The following RAC1 variants were observed in gnomAD, a reference collection of about 807,000 sequenced individuals.
RAC1 encodes the protein ras-related C3 botulinum toxin substrate 1.
Under a neutral mutation model 25.2 loss-of-function variants are expected in RAC1, and 2 were observed. That is an observed-to-expected ratio of 0.08 (90% CI 0.03 to 0.25). RAC1 has a LOEUF of 0.25. Among genes scored for constraint, RAC1 ranks in the 10% least tolerant of loss-of-function variants. The pLI is 1.00. For missense variants in RAC1, 50 were observed against 235.7 expected (o/e 0.21, Z 5.16); for synonymous variants, 88 against 94.0 (o/e 0.94, Z 0.37).
rs1016130940 is a variant in RAC1 at position 6,403,633 on chromosome 7, C to T, written c.*1187C>T. The T allele has an allele frequency of 1.4e-5, 3 of 210,780 alleles. No homozygotes were observed. Among genetic ancestry groups the T allele is most frequent in the Admixed American group, 5.9e-5 (1 of 17,002 alleles). 13.1% of individuals were successfully genotyped at this position (210,780 alleles called of 1,614,324 possible). The stretch of plus-strand genomic sequence containing the variant: ...TTTTAGATAATTCTTAAACTATGAA[C>T]CTTCTTAACATCACTGTCTTGCCAG... On this transcript the variant is annotated 3_prime_UTR_variant, in exon 6 of 6. Transcript: ENST00000348035.
chr7:6,375,215 T>A (rs1211946361), intron 1 of RAC1, among the ~76,000 whole-genome samples: 1 of 152,098 alleles, frequency 6.6e-6, no homozygotes, highest in East Asian at 1.9e-4. Context: ...TGATGCATGC[T>A]TGATTGTACG....
chr7:6,387,419 C>G, intron 2 of RAC1, 136 bp downstream of exon 2: 1 of 667,070 alleles, frequency 1.5e-6, no homozygotes, highest in Non-Finnish European at 2.5e-6. Flanking sequence ...TCACTGAAAC[C>G]TAATTATAAG....
intron 1 of RAC1, among the ~76,000 whole-genome samples, chr7:6,379,702 C>T (rs861369): frequency 6.6e-6 from 1 of 152,032 alleles, no homozygotes; most frequent in African/African-American, 2.4e-5. Context: ...GAGCCATCGT[C>T]CCTGGCCTAA....
intron 1 of RAC1, among the ~76,000 whole-genome samples, chr7:6,377,882 G>A (rs1583256348): frequency 1.3e-5 from 2 of 152,294 alleles, no homozygotes; most frequent in South Asian, 2.1e-4. Flanking sequence ...TCCAGCTTGG[G>A]TGACAGAGGG....
chr7:6,391,108 G>A (rs35725843), intron 2 of RAC1, among the ~76,000 whole-genome samples: 96 of 152,260 alleles, frequency 6.3e-4, no homozygotes, highest in African/African-American at 2.1e-3. Flanking sequence ...ATGTTGGCCA[G>A]GCTGGTCTCG....
At chr7:6,378,719 C>A (rs1203096497) in intron 1 of RAC1, among the ~76,000 whole-genome samples, 1 of 152,016 alleles carries the variant, frequency 6.6e-6, no homozygotes, top group African/African-American at 2.4e-5. Context: ...TTTTCCTCCA[C>A]CTTACTGCTG....
At chr7:6,392,916 C>T (rs564910953) in intron 3 of RAC1, among the ~76,000 whole-genome samples, 4 of 152,318 alleles carry the variant, frequency 2.6e-5, no homozygotes, top group Admixed American at 1.3e-4. Flanking sequence ...GTGTCACGCA[C>T]GCATAACAGT....
At chr7:6,377,797 C>G (rs1273282629) in intron 1 of RAC1, among the ~76,000 whole-genome samples, 1 of 151,820 alleles carries the variant, frequency 6.6e-6, no homozygotes, top group African/African-American at 2.4e-5. Flanking sequence ...CCTAGCTATT[C>G]AGGAGGTTGA....
chr7:6,378,341 C>A (rs570231508), intron 1 of RAC1, among the ~76,000 whole-genome samples: 1 of 150,086 alleles, frequency 6.7e-6, no homozygotes, highest in Non-Finnish European at 1.5e-5. Flanking sequence ...AGGTCAGGAG[C>A]TCGAGACCAG....
rs760010477 is a variant in RAC1, at chr7:6,403,152, G to A, written c.*706G>A. The A allele has an allele frequency of 1.4e-5, 3 of 217,698 alleles. No individual in the cohort carries two copies. Among genetic ancestry groups the A allele is most frequent in the Non-Finnish European group, 2.8e-5 (3 of 108,152 alleles). 13.5% of individuals were successfully genotyped at this position (217,698 alleles called of 1,614,324 possible). A position where few individuals can be genotyped will look rare whatever the true frequency, so the allele number is the denominator to read the frequency against. ...GCCGGGTGGGGTGTGTGTGATCAAA[G>A]GACAAAGACAGTATTTTGACAAAAT... is the stretch of plus-strand genomic sequence containing the variant. On this transcript the variant is annotated 3_prime_UTR_variant, in exon 6 of 6. Transcript: ENST00000348035.
chr7:6,379,358 T>G (rs1782699606), intron 1 of RAC1, among the ~76,000 whole-genome samples: 1 of 143,518 alleles, frequency 7.0e-6, no homozygotes, highest in Non-Finnish European at 1.5e-5. Flanking sequence ...CACTGCAACC[T>G]CCTCCTCCTG....
At chr7:6,389,858 T>C (rs1295193807) in intron 2 of RAC1, among the ~76,000 whole-genome samples, 2 of 152,272 alleles carry the variant, frequency 1.3e-5, no homozygotes, top group East Asian at 3.9e-4. Context: ...TTTTAGTCTC[T>C]TGTGAATTGT....
chr7:6,396,321 C>T (rs34485783), intron 3 of RAC1, among the ~76,000 whole-genome samples: 1,735 of 152,188 alleles, frequency 0.011, 34 homozygotes, highest in African/African-American at 0.04. Flanking sequence ...AGCACAGCCT[C>T]TGTATGTGAA....
chr7:6,394,714 C>T (rs1183965661), intron 3 of RAC1, among the ~76,000 whole-genome samples: 1 of 152,070 alleles, frequency 6.6e-6, no homozygotes, highest in Admixed American at 6.6e-5. Context: ...GAGTTTCGCT[C>T]TTGTTGCCCA....
At chr7:6,376,740 C>CA (rs140596611) in intron 1 of RAC1, among the ~76,000 whole-genome samples, 17,792 of 132,778 alleles carry the variant, frequency 0.13, 1,461 homozygotes, top group Admixed American at 0.2. Context: ...AGGCTGGTCT[C>CA]AAACTCCTGA....
chr7:6,399,040 C>T (rs1783326316), intron 3 of RAC1, among the ~76,000 whole-genome samples: 2 of 152,166 alleles, frequency 1.3e-5, no homozygotes, highest in Admixed American at 1.3e-4. Flanking sequence ...TGAGCCGAGC[C>T]GGAGCAGGAC....
Position 6,403,483 on chromosome 7 carries a change from GT to G in RAC1, c.*1044del. On this transcript the variant is annotated 3_prime_UTR_variant, in exon 6 of 6. Coordinates refer to ENST00000348035, the MANE Select transcript of RAC1 (RefSeq NM_006908.5). ...AATCTTTCTGATAATGCATTAGAAG[GT>G]TTTTTTGTCGATTAGTAAAAGTGCT... The G allele has an allele frequency of 9.2e-6, 2 of 218,304 alleles. No homozygotes were observed. The highest frequency in any genetic ancestry group is 6.8e-5 in the East Asian group (1 of 14,666). The allele number at this position is 218,304 out of a possible 1,614,324, so 13.5% of individuals were successfully genotyped here. A position where few individuals can be genotyped will look rare whatever the true frequency, so the allele number is the denominator to read the frequency against.
chr7:6,391,782 C>T, intron 2 of RAC1, 142 bp from the exon 3 acceptor site: 2 of 1,360,772 alleles, frequency 1.5e-6, no homozygotes, highest in Non-Finnish European at 2.0e-6. Flanking sequence ...CGCCTTCCTC[C>T]TTGTGCCTGC....
chr7:6,397,240 CAAAAAAA>C (rs375004213), intron 3 of RAC1, among the ~76,000 whole-genome samples: 3 of 104,642 alleles, frequency 2.9e-5, no homozygotes, highest in Non-Finnish European at 4.1e-5. Flanking sequence ...GACTCTGTCT[CAAAAAAA>C]AAAAAGAAAA....
Sources: gnomAD v4.1 joint callset for allele counts (sites outside exome capture counted in the v4.1 genomes callset) on GRCh38, gnomAD v4.1.1 for gene constraint, MANE v1.5 for transcripts, NCBI Gene and HGNC (gene_info 2026-07-23, HGNC 2026-07-21) for gene names.